GARIN5A: variants seen among roughly 807,000 people sequenced by gnomAD.
The protein encoded by GARIN5A is Golgi-associated RAB2 interactor protein 5A.
At chr19:50,467,413 CCCAGGAGTCCAGGACCCCAGCCCTCAT>C in the GARIN5A span, 1 of 598,754 alleles carries the variant, frequency 1.7e-6, no homozygotes, top group Non-Finnish European at 2.9e-6. Flanking sequence ...CTCCCTCAGA[CCCAGGAGTCCAGGACCCCAGCCCTCAT>C]CTCCCTCAGA....
At chr19:50,473,087 G>C in the GARIN5A span, among the ~76,000 whole-genome samples, 1 of 152,204 alleles carries the variant, frequency 6.6e-6, no homozygotes, top group Non-Finnish European at 1.5e-5. Flanking sequence ...ACTGGTGTCA[G>C]AATACTCCTT....
At chr19:50,475,554 C>T in the GARIN5A span, 1 of 1,180,532 alleles carries the variant, frequency 8.5e-7, no homozygotes, top group Non-Finnish European at 1.2e-6. Flanking sequence ...AGGTCATGAA[C>T]CAGGTGAGTT....
At chr19:50,470,002 T>C in the GARIN5A span, among the ~76,000 whole-genome samples, 113,537 of 152,128 alleles carry the variant, frequency 0.75, 43,275 homozygotes, top group African/African-American at 0.92. Context: ...TTATGGGGTG[T>C]GCTCTCCTCT....
At chr19:50,467,519 CCTCTGCT>C in the GARIN5A span, 1 of 1,359,450 alleles carries the variant, frequency 7.4e-7, no homozygotes, top group Admixed American at 2.0e-5. Flanking sequence ...TCCCCTCTGC[CCTCTGCT>C]GCCCCACTGC....
the GARIN5A span, among the ~76,000 whole-genome samples, chr19:50,472,080 ATG>A: frequency 5.8e-5 from 8 of 138,936 alleles, no homozygotes; most frequent in East Asian, 4.5e-4. Context: ...GTATATATAC[ATG>A]TGTGTATATG....
At chr19:50,475,641 G>A in the GARIN5A span, 1 of 695,590 alleles carries the variant, frequency 1.4e-6, no homozygotes, top group Non-Finnish European at 2.4e-6. Flanking sequence ...GGAAACTGAG[G>A]CAAGGGAGTT....
chr19:50,472,169 T>C, the GARIN5A span, among the ~76,000 whole-genome samples: 265 of 146,438 alleles, frequency 1.8e-3, 1 homozygote, highest in Non-Finnish European at 2.8e-3. Context: ...TATGTATACG[T>C]GTGTATATGT....
the GARIN5A span, chr19:50,475,642 C>T: frequency 4.3e-6 from 3 of 695,118 alleles, no homozygotes; most frequent in African/African-American, 3.6e-5. Context: ...GAAACTGAGG[C>T]AAGGGAGTTA....
chr19:50,472,201 T>C, the GARIN5A span, among the ~76,000 whole-genome samples: 2 of 149,972 alleles, frequency 1.3e-5, no homozygotes, highest in Non-Finnish European at 3.0e-5. Context: ...TATGTGTGCA[T>C]GTATATACAT....
the GARIN5A span, among the ~76,000 whole-genome samples, chr19:50,472,108 G>GTGTGTATATGTATATATACA: frequency 1.4e-5 from 2 of 138,756 alleles, no homozygotes; most frequent in Non-Finnish European, 3.1e-5. Flanking sequence ...GTATATATAC[G>GTGTGTATATGTATATATACA]TGTGTATATG....
the GARIN5A span, among the ~76,000 whole-genome samples, chr19:50,471,409 C>CA: frequency 1.3e-5 from 2 of 152,134 alleles, no homozygotes; most frequent in Non-Finnish European, 2.9e-5. Flanking sequence ...GCTGGGACTA[C>CA]AGGCGCCCAT....
At chr19:50,475,133 C>T in the GARIN5A span, among the ~76,000 whole-genome samples, 6 of 152,212 alleles carry the variant, frequency 3.9e-5, no homozygotes, top group African/African-American at 1.4e-4. Flanking sequence ...TCAGGTCTGT[C>T]TAATCTCTGA....
chr19:50,476,312 A>C, the GARIN5A span: 1 of 1,594,246 alleles, frequency 6.3e-7, no homozygotes, highest in South Asian at 1.1e-5. Flanking sequence ...GACGTCACAC[A>C]AGAGCGGGCT....
the GARIN5A span, chr19:50,467,977 C>A: frequency 1.4e-6 from 1 of 689,854 alleles, no homozygotes; most frequent in Non-Finnish European, 2.5e-6. Context: ...AGTCCATTCC[C>A]AACTTTCTTC....
chr19:50,471,887 T>C, the GARIN5A span, among the ~76,000 whole-genome samples: 37 of 151,454 alleles, frequency 2.4e-4, no homozygotes, highest in South Asian at 6.6e-3. Context: ...TACATGTGTG[T>C]ATATGTATGC....
chr19:50,471,753 C>CACGG, the GARIN5A span, among the ~76,000 whole-genome samples: 20 of 134,180 alleles, frequency 1.5e-4, no homozygotes, highest in Non-Finnish European at 2.3e-4. Flanking sequence ...CGCATACATG[C>CACGG]ATGTGTATAC....
the GARIN5A span, chr19:50,467,592 A>G: frequency 6.5e-7 from 1 of 1,547,384 alleles, no homozygotes; most frequent in Non-Finnish European, 8.7e-7. Context: ...CCTCATCATC[A>G]TCACCCTCCC....
the GARIN5A span, chr19:50,476,229 G>C: frequency 5.0e-5 from 80 of 1,613,502 alleles, no homozygotes; most frequent in Admixed American, 8.3e-5. Flanking sequence ...GGGAGCGGAC[G>C]GAGGAGCAGA....
At chr19:50,472,191 T>C in the GARIN5A span, among the ~76,000 whole-genome samples, 46 of 145,968 alleles carry the variant, frequency 3.2e-4, no homozygotes, top group East Asian at 4.1e-3. Context: ...TGTATACATG[T>C]ATGTGTGCAT....
Sources: allele counts gnomAD v4.1 joint callset (sites outside exome capture counted in the v4.1 genomes callset), GRCh38; gene constraint gnomAD v4.1.1; transcripts MANE v1.5; gene names NCBI Gene and HGNC (gene_info 2026-07-23, HGNC 2026-07-21).